The following POLE variants were observed in gnomAD, a reference collection of about 807,000 sequenced individuals.
The protein encoded by POLE is DNA polymerase epsilon catalytic subunit A.
In POLE, 188 loss-of-function variants were observed where a neutral mutation model predicts 279.2. The ratio of observed to expected loss-of-function variants is 0.67; its 90% CI spans 0.60 to 0.76. The LOEUF (loss-of-function observed/expected upper bound fraction) is 0.76, where lower values mean the gene tolerates loss of function less well. Ranked by LOEUF, POLE falls within the 30% of genes least tolerant of loss-of-function variation. The pLI is 0.00. For missense variants in POLE, 2,703 were observed against 3,016.7 expected (o/e 0.90, Z 2.44); for synonymous variants, 1,214 against 1,172.5 (o/e 1.04, Z -0.72).
At chr12:132,627,167 C>A (rs960578755) in intron 45 of POLE, among the ~76,000 whole-genome samples, 3 of 152,044 alleles carry the variant, frequency 2.0e-5, no homozygotes, top group African/African-American at 7.2e-5. Context: ...CCTGTGATCC[C>A]AGCTACCTGG....
rs913720556 is a variant in POLE, at chr12:132,643,000, G to C, written c.4552-4C>G. 1.9e-6 allele frequency: 3 copies of C among 1,587,986 alleles called. No individual in the cohort carries two copies. The Admixed American group carries it at 5.7e-5, about 30-fold the overall frequency. On this transcript the variant is annotated splice_region_variant and splice_polypyrimidine_tract_variant and intron_variant, in intron 35 of 48. Coordinates refer to ENST00000320574, the MANE Select transcript of POLE (RefSeq NM_006231.4). ...TGGGCATCTGGTTGCTGCGCACCTA[G>C]ACCAACGCAGGCCACGTCAGCCTCC...
At position 132,659,456 on chromosome 12, in the gene POLE, G is replaced by A. The variant is rs1593772718; in HGVS notation, c.3114C>T (p.Ser1038=). Residue 1038 remains serine (S), a synonymous_variant, in exon 26 of 49, where the codon TCC becomes TCT. Coordinates refer to ENST00000320574, the MANE Select transcript of POLE (RefSeq NM_006231.4). ...ELFELISENR[S]MSRKLEDYGE... ...CGTAATCTTCCAGCTTCCGAGACAT[G>A]GAACGGTTCTCAGAGATGAGCTCGA... The A allele has an allele frequency of 1.2e-6, 2 of 1,614,112 alleles. No individual in the cohort carries two copies. The highest frequency in any genetic ancestry group is 1.3e-5 in the African/African-American group (1 of 74,936).
In POLE at chr12:132,668,324, C is replaced by T. The variant is rs778105934; in HGVS notation, c.2173+32G>A. ...CAGAAAGTGGGAGCAGGAGCCACAT[C>T]TTTACAGCCGTGACCATGCCCAGGC... On this transcript the variant is annotated intron_variant, in intron 19 of 48. Coordinates refer to ENST00000320574, the MANE Select transcript of POLE (RefSeq NM_006231.4). This position sits in a 1 kb window ranked among gnomAD's most constrained non-coding sequence, Gnocchi z 4.0. The T allele has an allele frequency of 6.6e-7, 1 of 1,523,328 alleles. No individual in the cohort carries two copies. The highest frequency in any genetic ancestry group is 1.3e-5 in the South Asian group (1 of 76,700). The allele number at this position is 1,523,328 out of a possible 1,614,324, so 94.4% of individuals were successfully genotyped here.
chr12:132,684,114 C>G (rs1202654906), intron 1 of POLE, among the ~76,000 whole-genome samples: 2 of 107,820 alleles, frequency 1.9e-5, no homozygotes, highest in Non-Finnish European at 3.7e-5. Flanking sequence ...TGACTGGTTA[C>G]TGTATCACAC....
intron 29 of POLE, chr12:132,650,711 T>C (rs2042403486): frequency 1.3e-5 from 2 of 152,196 alleles, no homozygotes; most frequent in African/African-American, 4.8e-5. Flanking sequence ...TCCAGAATGC[T>C]TTTTGTAAGA....
At chr12:132,669,653 C>T (rs2042879581) in intron 16 of POLE, among the ~76,000 whole-genome samples, 1 of 152,150 alleles carries the variant, frequency 6.6e-6, no homozygotes, top group Non-Finnish European at 1.5e-5. Flanking sequence ...CGGGGAAGAG[C>T]CTCCACTGCA....
In POLE at chr12:132,675,341, C is replaced by T; in HGVS notation, c.1226+57G>A. On this transcript the variant is annotated intron_variant, in intron 12 of 48. Coordinates refer to ENST00000320574, the MANE Select transcript of POLE (RefSeq NM_006231.4). The surrounding 1 kb of genome is among the most constrained non-coding windows in gnomAD (Gnocchi z 4.3). ...TGGTGACAGCACAGTCTGCAAGAGG[C>T]CTTCAGATCTCGCTCACGGACAGCA... 3.8e-6 allele frequency: 6 copies of T among 1,588,948 alleles called. No individual in the cohort carries two copies. The highest frequency in any genetic ancestry group is 5.1e-6 in the Non-Finnish European group (6 of 1,167,224).
chr12:132,671,093 T>C (rs1303953009), intron 16 of POLE, among the ~76,000 whole-genome samples: 2 of 150,966 alleles, frequency 1.3e-5, no homozygotes, highest in Admixed American at 6.6e-5. Flanking sequence ...TGAAACCTCA[T>C]CTCTACTAAA....
chr12:132,641,094 A>AC lies in POLE; in HGVS notation c.5378+552dup, dbSNP rs2042131031. On this transcript the variant is annotated intron_variant, in intron 39 of 48. Coordinates refer to ENST00000320574, the MANE Select transcript of POLE (RefSeq NM_006231.4). ...TTCCTTATCTGAAAAACAGACAATA[A>AC]CCGCTCCCCGTCCCTGGGCTGATGT... 8 of 456,290 alleles carry AC rather than the reference A, an allele frequency of 1.8e-5. 1 individual carries two copies. The highest frequency in any genetic ancestry group is 1.2e-4 in the South Asian group (8 of 64,540). 28.3% of individuals were successfully genotyped at this position (456,290 alleles called of 1,614,324 possible). A position where few individuals can be genotyped will look rare whatever the true frequency, so the allele number is the denominator to read the frequency against.
intron 16 of POLE, among the ~76,000 whole-genome samples, chr12:132,671,264 A>T (rs980754158): frequency 8.2e-4 from 17 of 20,792 alleles, no homozygotes; most frequent in African/African-American, 7.5e-3. Context: ...CTCCGTCTCA[A>T]AAAAAAAAAA....
At position 132,642,413 on chromosome 12, in the gene POLE, G is replaced by A; in HGVS notation, c.4953-16C>T. 1.3e-6 allele frequency: 2 copies of A among 1,589,358 alleles called. No homozygotes were observed. Among genetic ancestry groups the A allele is most frequent in the Non-Finnish European group, 1.7e-6 (2 of 1,164,532 alleles). On this transcript the variant is annotated splice_polypyrimidine_tract_variant and intron_variant, in intron 37 of 48. Transcript: ENST00000320574. Reference sequence around the variant, plus strand: ...GTGAAAGTACCTGCACCAGGGCACAGGTCAGCACCGGGGCACATCGCCGGG... The same window carrying A: ...GTGAAAGTACCTGCACCAGGGCACAAGTCAGCACCGGGGCACATCGCCGGG...
Position 132,667,625 on chromosome 12 carries a change from T to C in POLE, c.2197A>G (p.Lys733Glu), listed in dbSNP as rs368153842. 6.2e-7 allele frequency: 1 copy of C among 1,614,018 alleles called. No homozygotes were observed. Among genetic ancestry groups the C allele is most frequent in the Non-Finnish European group, 8.5e-7 (1 of 1,180,024 alleles). ...TCTTCCACCTTGGTGATGTGGATCT[T>C]CTTGTAGGCTTTCCGGCAGTAATCT... ...LADYCRKAYK[K>E]IHITKVEERL... The change falls in exon 20 of 49, where the codon AAG becomes GAG. Residue 733 changes from lysine to glutamate, a missense_variant. By Grantham distance (56) the Lys-to-Glu change is moderately conservative (BLOSUM62 1). Around this residue, in one of 5 missense-constraint regions of POLE, gnomAD observed 1,011 missense variants for 1,111.7 expected, o/e 0.91. Transcript: ENST00000320574.
At chr12:132,636,841 A>G (rs1235640325) in intron 41 of POLE, among the ~76,000 whole-genome samples, 9 of 152,258 alleles carry the variant, frequency 5.9e-5, no homozygotes, top group Admixed American at 5.9e-4. Context: ...CACAGTTTCA[A>G]AATGCAGCTG....
Position 132,664,447 on chromosome 12 carries a change from G to C in POLE, c.2484C>G (p.Ser828=). Residue 828 remains serine (S), a synonymous_variant, in exon 22 of 49, where the codon TCC becomes TCG. Transcript: ENST00000320574. This position sits in a 1 kb window ranked among gnomAD's most constrained non-coding sequence, Gnocchi z 5.3. Reference sequence around the variant, plus strand: ...AGCAGACGATGCCAGCCATCTCCATGGAGTACCAGCGAGCCCTGAGAGGAC... The same window carrying C: ...AGCAGACGATGCCAGCCATCTCCATCGAGTACCAGCGAGCCCTGAGAGGAC... ...YVMRKGARWY[S]MEMAGIVCFT... The C allele has an allele frequency of 6.2e-7, 1 of 1,613,994 alleles. No individual in the cohort carries two copies. Among genetic ancestry groups the C allele is most frequent in the Non-Finnish European group, 8.5e-7 (1 of 1,179,970 alleles).
Position 132,643,322 on chromosome 12 carries a change from G to C in POLE, c.4453C>G (p.Arg1485Gly), listed in dbSNP as rs969429633. The change falls in exon 35 of 49, where the codon CGC (arginine) becomes GGC (glycine). Residue 1485 changes from arginine to glycine, a missense_variant. Around this residue, in one of 5 missense-constraint regions of POLE, gnomAD observed 1,551 missense variants for 1,686.1 expected, o/e 0.92. Coordinates refer to ENST00000320574, the MANE Select transcript of POLE (RefSeq NM_006231.4). ...QFSYLEPGSI[R>G]HIYLYHHAQA... ...GCGTGGTGGTACAGGTAGATATGGC[G>C]GATACTCCCTGGAGAAGGAAACAAG... 1 of 1,614,032 alleles carries C rather than the reference G, an allele frequency of 6.2e-7. No individual in the cohort carries two copies. Among genetic ancestry groups the C allele is most frequent in the Non-Finnish European group, 8.5e-7 (1 of 1,180,000 alleles).
At chr12:132,626,037 G>A (rs1169075319) in intron 46 of POLE, 80 bp downstream of exon 46, 2 of 1,382,990 alleles carry the variant, frequency 1.4e-6, no homozygotes, top group African/African-American at 2.9e-5. Context: ...CAGAGCTGGA[G>A]CTGCAGAAGC....
rs537166855 is a variant in POLE at position 132,634,077 on chromosome 12, G to C, written c.6004+109C>G. The C allele has an allele frequency of 3.9e-6, 4 of 1,031,370 alleles. No individual in the cohort carries two copies. The highest frequency in any genetic ancestry group is 2.2e-5 in the Admixed American group (1 of 44,730). 63.9% of individuals were successfully genotyped at this position (1,031,370 alleles called of 1,614,324 possible). A position where few individuals can be genotyped will look rare whatever the true frequency, so the allele number is the denominator to read the frequency against. ...CCCAACTGCTGGGCAGGCTCCGCCC[G>C]ATCTGATTTTCCCTGTCTCCCTTCT... On this transcript the variant is annotated intron_variant, in intron 43 of 48. Coordinates refer to ENST00000320574, the MANE Select transcript of POLE (RefSeq NM_006231.4). The surrounding 1 kb of genome is among the most constrained non-coding windows in gnomAD (Gnocchi z 4.0).
intron 16 of POLE, 30 bp downstream of exon 16, chr12:132,672,185 A>G (rs1310113291): frequency 8.0e-6 from 12 of 1,493,196 alleles, no homozygotes; most frequent in Non-Finnish European, 1.0e-5. Context: ...CCAAACACAG[A>G]CTGGCTCTTC....
intron 3 of POLE, 43 bp from the exon 4 acceptor site, chr12:132,680,265 G>C: frequency 6.4e-7 from 1 of 1,567,962 alleles, no homozygotes; most frequent in South Asian, 1.1e-5. Flanking sequence ...TGAGAAAGAA[G>C]AAAGCGAGAG....
Sources: gnomAD v4.1 joint callset for allele counts (sites outside exome capture counted in the v4.1 genomes callset) on GRCh38, gnomAD v4.1.1 for gene constraint, gnomAD v4.1.1 regional missense constraint, Gnocchi (gnomAD v3.1) non-coding constraint, MANE v1.5 for transcripts, NCBI Gene and HGNC (gene_info 2026-07-23, HGNC 2026-07-21) for gene names.